The following KPNA6 variants were observed in gnomAD, a reference collection of about 807,000 sequenced individuals.
KPNA6 encodes the protein importin subunit alpha-7.
A neutral mutation model predicts 72.0 loss-of-function variants in KPNA6; 9 were observed. That is an observed-to-expected ratio of 0.13 (90% CI 0.08 to 0.22). The LOEUF is 0.22. Among genes scored for constraint, KPNA6 ranks in the 10% least tolerant of loss-of-function variants. The probability of loss-of-function intolerance (pLI) is 1.00; values close to 1 mark genes in which losing one functional copy is unlikely to be tolerated. For missense variants in KPNA6, 374 were observed against 655.7 expected, an observed-to-expected ratio of 0.57 and a Z score of 4.69; for synonymous variants, 219 against 242.1, an observed-to-expected ratio of 0.90 and a Z score of 0.89.
chr1:32,147,923 C>T (rs571037125), intron 1 of KPNA6, among the ~76,000 whole-genome samples: 2 of 152,196 alleles, frequency 1.3e-5, no homozygotes, highest in African/African-American at 4.8e-5. Context: ...GCCTTGGCCT[C>T]CCAGAGTGCT....
intron 1 of KPNA6, among the ~76,000 whole-genome samples, chr1:32,109,666 CG>C (rs1247850752): frequency 7.1e-6 from 1 of 140,928 alleles, no homozygotes; most frequent in Non-Finnish European, 1.5e-5. Flanking sequence ...TTTTTTGAGA[CG>C]GAGTCTGGCT....
At chr1:32,150,727 A>G (rs1453432805) in intron 1 of KPNA6, among the ~76,000 whole-genome samples, 1 of 151,894 alleles carries the variant, frequency 6.6e-6, no homozygotes, top group Non-Finnish European at 1.5e-5. Flanking sequence ...CCCTGGTTCA[A>G]GTGATTCTCC....
At chr1:32,147,384 T>C (rs908199331) in intron 1 of KPNA6, among the ~76,000 whole-genome samples, 2 of 152,102 alleles carry the variant, frequency 1.3e-5, no homozygotes, top group African/African-American at 4.8e-5. Flanking sequence ...ATCAACCTCC[T>C]GTGCTCAGGC....
chr1:32,127,475 CCT>C (rs1641555336), intron 1 of KPNA6, among the ~76,000 whole-genome samples: 1 of 152,160 alleles, frequency 6.6e-6, no homozygotes, highest in Non-Finnish European at 1.5e-5. Context: ...TAGAGAAATC[CCT>C]GTTTCCAATT....
At chr1:32,125,795 A>C (rs945997947) in intron 1 of KPNA6, among the ~76,000 whole-genome samples, 1 of 152,110 alleles carries the variant, frequency 6.6e-6, no homozygotes, top group African/African-American at 2.4e-5. Flanking sequence ...ATTATGGTGC[A>C]TATAACTTGT....
Position 32,108,081 on chromosome 1 carries a change from G to A in KPNA6, c.-50G>A, listed in dbSNP as rs766429794. 6.2e-7 allele frequency: 1 copy of A among 1,613,786 alleles called. No homozygotes were observed. The highest frequency in any genetic ancestry group is 1.1e-5 in the South Asian group (1 of 91,046). On this transcript the variant is annotated 5_prime_UTR_variant, in exon 1 of 14. Coordinates refer to ENST00000373625, the MANE Select transcript of KPNA6 (RefSeq NM_012316.5). The stretch of plus-strand genomic sequence containing the variant: ...ATATTGTCTACTGAAAGCTGCCGCT[G>A]AAGCTGCCGCCGTTGCCTCCGCCGC...
intron 1 of KPNA6, among the ~76,000 whole-genome samples, chr1:32,132,793 C>T (rs571832966): frequency 3.5e-4 from 54 of 152,156 alleles, no homozygotes; most frequent in Non-Finnish European, 6.5e-4. Flanking sequence ...GTCCCAGCTA[C>T]TCCGGAGGCT....
chr1:32,109,876 TTGATCTCC>T (rs1347251133), intron 1 of KPNA6, among the ~76,000 whole-genome samples: 1 of 151,860 alleles, frequency 6.6e-6, no homozygotes, highest in Admixed American at 6.6e-5. Flanking sequence ...CAGGATGGTC[TTGATCTCC>T]TGACCTCGTG....
At chr1:32,166,805 G>T (rs1261584955) in intron 11 of KPNA6, among the ~76,000 whole-genome samples, 3 of 151,500 alleles carry the variant, frequency 2.0e-5, no homozygotes, top group African/African-American at 7.3e-5. Context: ...GGGCGTGGTG[G>T]CAGGCGCCTG....
intron 1 of KPNA6, among the ~76,000 whole-genome samples, chr1:32,127,649 G>A (rs16834889): frequency 0.023 from 3,459 of 152,272 alleles, 54 homozygotes; most frequent in Middle Eastern, 0.082. Flanking sequence ...TAGAGGCCAG[G>A]TAACCAGCCG....
chr1:32,111,547 C>T (rs1641243584), intron 1 of KPNA6, among the ~76,000 whole-genome samples: 1 of 152,130 alleles, frequency 6.6e-6, no homozygotes, highest in South Asian at 2.1e-4. Flanking sequence ...TCATTTAATT[C>T]TAACATCTAA....
intron 10 of KPNA6, among the ~76,000 whole-genome samples, chr1:32,164,309 G>A (rs1323510897): frequency 2.0e-5 from 3 of 152,170 alleles, no homozygotes; most frequent in African/African-American, 7.2e-5. Flanking sequence ...AGACATTTGG[G>A]TTGTTTCCAC....
chr1:32,123,351 A>C (rs1485661027), intron 1 of KPNA6, among the ~76,000 whole-genome samples: 1 of 152,006 alleles, frequency 6.6e-6, no homozygotes, highest in Non-Finnish European at 1.5e-5. Context: ...ACATATTAAC[A>C]CTGAGATAAA....
At chr1:32,144,037 A>G (rs1570036338) in intron 1 of KPNA6, among the ~76,000 whole-genome samples, 2 of 152,292 alleles carry the variant, frequency 1.3e-5, no homozygotes, top group South Asian at 4.1e-4. Flanking sequence ...ACCAAACCCT[A>G]TATACTATAT....
At chr1:32,164,688 ATTT>A (rs1188325674) in intron 10 of KPNA6, among the ~76,000 whole-genome samples, 3 of 118,436 alleles carry the variant, frequency 2.5e-5, no homozygotes, top group Non-Finnish European at 3.6e-5. Context: ...CCATCTGTGT[ATTT>A]TTTTTTTTTT....
intron 1 of KPNA6, among the ~76,000 whole-genome samples, chr1:32,120,727 C>A (rs149884641): frequency 1.3e-5 from 2 of 151,308 alleles, no homozygotes; most frequent in Admixed American, 6.6e-5. Flanking sequence ...CCATCACACT[C>A]GGTTAATTTT....
intron 13 of KPNA6, among the ~76,000 whole-genome samples, chr1:32,170,267 C>G (rs1013111630): frequency 6.6e-6 from 1 of 152,180 alleles, no homozygotes; most frequent in Non-Finnish European, 1.5e-5. Flanking sequence ...TGAGTATAAT[C>G]AGGATGTGCT....
At chr1:32,156,345 C>CT (rs1642142663) in intron 2 of KPNA6, among the ~76,000 whole-genome samples, 1 of 152,146 alleles carries the variant, frequency 6.6e-6, no homozygotes, top group Non-Finnish European at 1.5e-5. Flanking sequence ...CATCTTTTTA[C>CT]TTAAAGGAAG....
chr1:32,114,543 G>T (rs1253942043), intron 1 of KPNA6, among the ~76,000 whole-genome samples: 3 of 151,814 alleles, frequency 2.0e-5, no homozygotes, highest in Non-Finnish European at 4.4e-5. Flanking sequence ...CATAAACACA[G>T]TGGATTCAGC....
Sources: allele counts gnomAD v4.1 joint callset (sites outside exome capture counted in the v4.1 genomes callset), GRCh38; gene constraint gnomAD v4.1.1; transcripts MANE v1.5; gene names NCBI Gene and HGNC (gene_info 2026-07-23, HGNC 2026-07-21).